The following MED13L variants were observed in gnomAD, a reference collection of about 807,000 sequenced individuals.
MED13L encodes mediator of RNA polymerase II transcription subunit 13-like.
MED13L carries 7 observed loss-of-function variants against 220.9 expected under a neutral mutation model. The ratio of observed to expected loss-of-function variants is 0.03; its 90% CI spans 0.02 to 0.06. The LOEUF (loss-of-function observed/expected upper bound fraction) is 0.06, where lower values mean the gene tolerates loss of function less well. MED13L is among the 10% of genes least tolerant of loss of function. MED13L has a pLI of 1.00. For missense variants in MED13L, 1,965 were observed against 2,760.5 expected (o/e 0.71, Z 6.46); for synonymous variants, 1,011 against 1,015.2 (o/e 1.00, Z 0.08).
At chr12:116,248,612 G>A (rs1413257551) in intron 1 of MED13L, among the ~76,000 whole-genome samples, 1 of 152,126 alleles carries the variant, frequency 6.6e-6, no homozygotes, top group Admixed American at 6.5e-5. Context: ...GTGGTCTGGG[G>A]GCTAACCACC....
rs1394862160 is a variant in MED13L, at chr12:116,008,591, G to C, written c.1822C>G (p.Leu608Val). ...GCTGTCTCGCTGACCTCTGCCATGA[G>C]AGGCAGTCTTTGGCCTACGAGGACA... ...RTVLVGQRLPLMAEVSETALY... is the reference protein window; with the variant it reads ...RTVLVGQRLPVMAEVSETALY... The change falls in exon 10 of 31, where the codon CTC becomes GTC. Residue 608 changes from leucine to valine, a missense_variant. By Grantham distance (32) the Leu-to-Val change is conservative. This residue lies in a region of MED13L where 818 missense variants were observed against 1,041.2 expected (regional missense o/e 0.79). Coordinates refer to ENST00000281928, the MANE Select transcript of MED13L (RefSeq NM_015335.5). 3.1e-6 allele frequency: 5 copies of C among 1,614,066 alleles called. No homozygotes were observed. The highest frequency in any genetic ancestry group is 1.7e-6 in the Non-Finnish European group (2 of 1,180,004).
rs1592967502 is a variant in MED13L, at chr12:116,031,759, A to AGAAAAGAAAAGAAAAGAAGGAAG, written c.480-9159_480-9158insCTTCCTTCTTTTCTTTTCTTTTC. Reference sequence around the variant, plus strand: ...AGAAAAGAAAAGAAAAGAAAAGAAAAGAAGGAAGGAAGGAAGGAAGGAAGG... The same window carrying AGAAAAGAAAAGAAAAGAAGGAAG: ...AGAAAAGAAAAGAAAAGAAAAGAAAAGAAAAGAAAAGAAAAGAAGGAAGGAAGGAAGGAAGGAAGGAAGGAAGG... On this transcript the variant is annotated intron_variant, in intron 4 of 30. Transcript: ENST00000281928. 2.5e-3 allele frequency among the ~76,000 whole-genome samples: 101 copies of AGAAAAGAAAAGAAAAGAAGGAAG among 40,954 alleles called. 2 individuals are homozygous for AGAAAAGAAAAGAAAAGAAGGAAG. The highest frequency in any genetic ancestry group is 3.5e-3 in the Non-Finnish European group (78 of 21,978). 26.9% of individuals were successfully genotyped at this position (40,954 alleles called of 152,430 possible).
chr12:116,122,830 A>T (rs943921400), intron 2 of MED13L, among the ~76,000 whole-genome samples: 5 of 152,180 alleles, frequency 3.3e-5, no homozygotes, highest in African/African-American at 1.2e-4. Context: ...ATTTCAATGG[A>T]TCACAAGACT....
intron 2 of MED13L, among the ~76,000 whole-genome samples, chr12:116,171,465 A>C (rs1392022586): frequency 1.3e-5 from 2 of 152,230 alleles, no homozygotes; most frequent in Non-Finnish European, 2.9e-5. Flanking sequence ...AAACTATTTT[A>C]TAGGTCTCCA....
At chr12:116,160,962 C>T (rs1205659862) in intron 2 of MED13L, among the ~76,000 whole-genome samples, 1 of 152,068 alleles carries the variant, frequency 6.6e-6, no homozygotes, top group African/African-American at 2.4e-5. Flanking sequence ...AACAGAATAT[C>T]TGAGACTCGG....
intron 2 of MED13L, among the ~76,000 whole-genome samples, chr12:116,233,894 G>C (rs1869818102): frequency 6.6e-6 from 1 of 152,064 alleles, no homozygotes; most frequent in South Asian, 2.1e-4. Context: ...ATGTGTTATA[G>C]CCTTCTCTCA....
intron 2 of MED13L, among the ~76,000 whole-genome samples, chr12:116,227,263 C>T (rs1045403985): frequency 9.2e-5 from 14 of 152,086 alleles, no homozygotes; most frequent in Admixed American, 7.9e-4. Flanking sequence ...CAGATCTCTA[C>T]GAAGAAAAAA....
chr12:116,244,205 T>C (rs549709292), intron 1 of MED13L, among the ~76,000 whole-genome samples: 4 of 152,154 alleles, frequency 2.6e-5, no homozygotes, highest in African/African-American at 4.8e-5. Flanking sequence ...TGCAGTAGAG[T>C]AGGTTAATAC....
intron 23 of MED13L, among the ~76,000 whole-genome samples, chr12:115,979,038 G>A (rs1374659263): frequency 6.6e-6 from 1 of 152,174 alleles, no homozygotes; most frequent in Non-Finnish European, 1.5e-5. Flanking sequence ...ATGCTCAACT[G>A]TATTTACCAA....
Position 116,008,977 on chromosome 12 carries a change from A to T in MED13L, c.1436T>A (p.Leu479Gln), listed in dbSNP as rs776123675. ...AAATGGTATTAAGGGTCTCTTTTGC[A>T]GCTTGTCTCCTTTTTCCTGTCTTTC... ...TAERQEKGDK[L>Q]QKRPLIPFHH... is the part of the protein sequence containing the mutation. Residue 479 changes from leucine (L) to glutamine (Q), a missense_variant, in exon 10 of 31, where the codon CTG becomes CAG. Around this residue, in one of 10 missense-constraint regions of MED13L, gnomAD observed 818 missense variants for 1,041.2 expected, o/e 0.79. Transcript: ENST00000281928. 1.2e-6 allele frequency: 2 copies of T among 1,614,098 alleles called. No individual in the cohort carries two copies. The highest frequency in any genetic ancestry group is 1.7e-6 in the Non-Finnish European group (2 of 1,180,004).
intron 4 of MED13L, among the ~76,000 whole-genome samples, chr12:116,092,313 T>C (rs1283574998): frequency 6.6e-6 from 1 of 152,320 alleles, no homozygotes; most frequent in East Asian, 1.9e-4. Context: ...CGCCTTCTTA[T>C]CTGGGCATCT....
intron 1 of MED13L, among the ~76,000 whole-genome samples, chr12:116,243,615 A>G (rs1870840644): frequency 6.6e-6 from 1 of 151,960 alleles, no homozygotes; most frequent in Admixed American, 6.6e-5. Context: ...ACCCACAGCA[A>G]CTAGATCCCT....
chr12:116,008,278 G>A (rs914576395), intron 10 of MED13L, 123 bp downstream of exon 10: 28 of 1,323,052 alleles, frequency 2.1e-5, no homozygotes, highest in African/African-American at 8.8e-5. Flanking sequence ...TTCCATATCC[G>A]GAGTCAAGAA....
chr12:116,004,231 A>AT (rs1363575514), intron 13 of MED13L, among the ~76,000 whole-genome samples: 1 of 152,066 alleles, frequency 6.6e-6, no homozygotes, highest in East Asian at 1.9e-4. Flanking sequence ...TCCCATCACC[A>AT]TTGCCAAAGC....
At chr12:116,223,171 G>GATGTATTTATAAGTTA (rs1162092838) in intron 2 of MED13L, among the ~76,000 whole-genome samples, 1 of 152,062 alleles carries the variant, frequency 6.6e-6, no homozygotes, top group Non-Finnish European at 1.5e-5. Flanking sequence ...TTCAATCCAT[G>GATGTATTTATAAGTTA]ATGTATTTAT....
intron 1 of MED13L, among the ~76,000 whole-genome samples, chr12:116,253,755 T>TTTTTG (rs1871786438): frequency 1.3e-5 from 1 of 77,916 alleles, no homozygotes; most frequent in African/African-American, 4.7e-5. Flanking sequence ...TTTTTTTTGT[T>TTTTTG]TTTTTTTTTT....
chr12:115,964,132 C>CA (rs1875970176), intron 29 of MED13L, among the ~76,000 whole-genome samples: 3 of 151,888 alleles, frequency 2.0e-5, no homozygotes, highest in Middle Eastern at 3.2e-3. Context: ...ACCCTCCCCA[C>CA]AAAAAAACAA....
chr12:116,020,082 G>C (rs1353015084), intron 5 of MED13L, 110 bp from the exon 6 acceptor site: 9 of 966,368 alleles, frequency 9.3e-6, no homozygotes, highest in African/African-American at 1.7e-5. Flanking sequence ...AATGTGCATT[G>C]TTCTTTATTT....
At chr12:116,156,212 A>G (rs1189516848) in intron 2 of MED13L, among the ~76,000 whole-genome samples, 1 of 151,956 alleles carries the variant, frequency 6.6e-6, no homozygotes, top group African/African-American at 2.4e-5. Context: ...TTTTTGCAGT[A>G]GTATAAATAT....
Sources: allele counts gnomAD v4.1 joint callset (sites outside exome capture counted in the v4.1 genomes callset), GRCh38; gene constraint gnomAD v4.1.1; regional missense constraint gnomAD v4.1.1; transcripts MANE v1.5; gene names NCBI Gene and HGNC (gene_info 2026-07-23, HGNC 2026-07-21).